The following DPYD variants were observed in gnomAD, a reference collection of about 807,000 sequenced individuals.
The protein encoded by DPYD is dihydropyrimidine dehydrogenase.
A neutral mutation model predicts 116.2 loss-of-function variants in DPYD; 109 were observed. The ratio of observed to expected loss-of-function variants is 0.94; its 90% CI spans 0.80 to 1.10. The LOEUF is 1.10. Among genes scored for constraint, DPYD ranks in the 50% least tolerant of loss-of-function variants. The pLI is 0.00. For synonymous variants in DPYD, 440 were observed against 432.0 expected, an observed-to-expected ratio of 1.02 and a Z score of -0.23; for missense variants, 1,302 against 1,254.5, an observed-to-expected ratio of 1.04 and a Z score of -0.57.
At chr1:97,181,299 G>T (rs1027248878) in intron 20 of DPYD, among the ~76,000 whole-genome samples, 2 of 152,092 alleles carry the variant, frequency 1.3e-5, no homozygotes, top group African/African-American at 4.8e-5. Flanking sequence ...TACAAGCAAT[G>T]CAAAACTACC....
At chr1:97,493,764 TC>T (rs1679102944) in intron 13 of DPYD, among the ~76,000 whole-genome samples, 1 of 152,142 alleles carries the variant, frequency 6.6e-6, no homozygotes, top group African/African-American at 2.4e-5. Flanking sequence ...TTAACAAGTT[TC>T]TCATTTCTTT....
intron 2 of DPYD, among the ~76,000 whole-genome samples, chr1:97,880,422 G>A (rs1452603946): frequency 6.6e-6 from 1 of 151,750 alleles, no homozygotes; most frequent in African/African-American, 2.4e-5. Flanking sequence ...AATTATTTAT[G>A]CCAGCATGAA....
intron 14 of DPYD, among the ~76,000 whole-genome samples, chr1:97,389,469 G>C (rs1007005248): frequency 9.2e-5 from 14 of 151,898 alleles, no homozygotes; most frequent in African/African-American, 3.4e-4. Flanking sequence ...TTACAAAGTT[G>C]GAACACAGAT....
chr1:97,652,314 C>T (rs1170084379), intron 8 of DPYD, among the ~76,000 whole-genome samples: 1 of 152,136 alleles, frequency 6.6e-6, no homozygotes, highest in Non-Finnish European at 1.5e-5. Flanking sequence ...ATAAAGCTAA[C>T]ATTCACTTAA....
chr1:97,292,126 A>C (rs2100989303), intron 18 of DPYD, among the ~76,000 whole-genome samples: 1 of 152,232 alleles, frequency 6.6e-6, no homozygotes, highest in South Asian at 2.1e-4. Context: ...ACATCTACTG[A>C]ATTAGATGCT....
chr1:97,811,769 T>G (rs1477076027), intron 3 of DPYD, among the ~76,000 whole-genome samples: 2 of 152,156 alleles, frequency 1.3e-5, no homozygotes, highest in South Asian at 4.1e-4. Flanking sequence ...AGGCTGAAAT[T>G]CAAAGTGTAT....
chr1:97,440,191 G>A (rs1271454597), intron 14 of DPYD, among the ~76,000 whole-genome samples: 1 of 150,822 alleles, frequency 6.6e-6, no homozygotes, highest in Non-Finnish European at 1.5e-5. Flanking sequence ...CTTGAACCGG[G>A]AGGCAAAAGT....
intron 16 of DPYD, among the ~76,000 whole-genome samples, chr1:97,339,217 T>C (rs1355231873): frequency 6.6e-6 from 1 of 152,052 alleles, no homozygotes; most frequent in Admixed American, 6.5e-5. Flanking sequence ...TAGTTCCAGA[T>C]GGGGAAAACT....
At chr1:97,775,028 T>G (rs1666324083) in intron 3 of DPYD, 3 of 251,466 alleles carry the variant, frequency 1.2e-5, no homozygotes, top group Non-Finnish European at 2.6e-5. Context: ...TGTGACAGTG[T>G]CTGGGGTTTA....
At chr1:97,725,407 C>G (rs1663195019) in intron 4 of DPYD, among the ~76,000 whole-genome samples, 1 of 151,478 alleles carries the variant, frequency 6.6e-6, no homozygotes, top group Non-Finnish European at 1.5e-5. Context: ...TCAATACAAT[C>G]TCTACTAAAA....
intron 16 of DPYD, among the ~76,000 whole-genome samples, chr1:97,363,082 A>G (rs1257864450): frequency 6.6e-6 from 1 of 152,222 alleles, no homozygotes; most frequent in African/African-American, 2.4e-5. Context: ...ACCAGAATCT[A>G]CAAGAACTTA....
intron 12 of DPYD, among the ~76,000 whole-genome samples, chr1:97,532,979 A>T (rs1029210390): frequency 6.9e-6 from 1 of 145,850 alleles, no homozygotes; most frequent in Non-Finnish European, 1.5e-5. Context: ...TAGGTTATTT[A>T]TTTCAGATCT....
intron 8 of DPYD, among the ~76,000 whole-genome samples, chr1:97,624,788 A>C (rs1487589614): frequency 6.6e-6 from 1 of 152,086 alleles, no homozygotes; most frequent in Non-Finnish European, 1.5e-5. Flanking sequence ...GACTTAAAAA[A>C]GGGAAATTTT....
At chr1:97,174,740 G>A (rs1043603267) in intron 20 of DPYD, among the ~76,000 whole-genome samples, 23 of 152,086 alleles carry the variant, frequency 1.5e-4, no homozygotes, top group African/African-American at 5.6e-4. Context: ...TTCTTTCAGA[G>A]TGAGTTTGCA....
At position 97,088,159 on chromosome 1, in the gene DPYD, A is replaced by G. The variant is rs1432969719; in HGVS notation, c.2767-5689T>C. 2.6e-5 allele frequency among the ~76,000 whole-genome samples: 4 copies of G among 152,224 alleles called. No homozygotes were observed. The East Asian group carries it at 7.7e-4, about 29-fold the overall frequency. The stretch of plus-strand genomic sequence containing the variant: ...ACTTGTCAGCTTCTCATTTTTCTTG[A>G]TCCATCTTCAGGTTAGAGTTGCTGA... On this transcript the variant is annotated intron_variant, in intron 21 of 22. Transcript: ENST00000370192.
At chr1:97,785,088 T>G (rs938056542) in intron 3 of DPYD, among the ~76,000 whole-genome samples, 3 of 152,190 alleles carry the variant, frequency 2.0e-5, no homozygotes, top group African/African-American at 7.2e-5. Context: ...CACATCCTGT[T>G]GTTTAGTAAA....
intron 5 of DPYD, among the ~76,000 whole-genome samples, chr1:97,710,583 T>TA (rs1390216454): frequency 7.9e-5 from 12 of 151,856 alleles, no homozygotes; most frequent in Non-Finnish European, 1.5e-4. Context: ...TTTCATATTA[T>TA]TAAAATAGAC....
intron 18 of DPYD, among the ~76,000 whole-genome samples, chr1:97,278,788 C>T (rs1300658838): frequency 6.6e-6 from 1 of 152,108 alleles, no homozygotes; most frequent in African/African-American, 2.4e-5. Context: ...AGATAATAAT[C>T]TGTTTTTCTT....
chr1:97,648,554 A>C (rs1170903570), intron 8 of DPYD, among the ~76,000 whole-genome samples: 3 of 151,994 alleles, frequency 2.0e-5, no homozygotes, highest in Admixed American at 6.6e-5. Context: ...TTAAAAAAAA[A>C]GAGAAATCAA....
Sources: allele counts gnomAD v4.1 joint callset (sites outside exome capture counted in the v4.1 genomes callset), GRCh38; gene constraint gnomAD v4.1.1; transcripts MANE v1.5; gene names NCBI Gene and HGNC (gene_info 2026-07-23, HGNC 2026-07-21).